The following OR10G3 variants were observed in gnomAD, a reference collection of about 807,000 sequenced individuals.
The protein encoded by OR10G3 is olfactory receptor family 10 subfamily G member 3, also known as olfactory receptor 10G3.
Under a neutral mutation model 13.4 loss-of-function variants are expected in OR10G3, and 8 were observed. The ratio of observed to expected loss-of-function variants is 0.60; its 90% confidence interval spans 0.35 to 1.08. OR10G3 has a LOEUF of 1.08. Ranked by LOEUF, OR10G3 falls within the 50% of genes least tolerant of loss-of-function variation. The pLI, the probability that OR10G3 is intolerant of heterozygous loss-of-function variation, is 0.02. For synonymous variants in OR10G3, 142 were observed against 156.1 expected, an observed-to-expected ratio of 0.91 and a Z score of 0.67; for missense variants, 393 against 386.6, an observed-to-expected ratio of 1.02 and a Z score of -0.14.
In OR10G3 at chr14:21,568,903, G is replaced by A. The variant is rs1455876616; in HGVS notation, c.*900C>T. 2 of 151,200 alleles carry A rather than the reference G, an allele frequency of 1.3e-5. No individual in the cohort carries two copies. The highest frequency in any genetic ancestry group is 4.9e-5 in the African/African-American group (2 of 41,176). 9.4% of individuals were successfully genotyped at this position (151,200 alleles called of 1,614,324 possible). A position where few individuals can be genotyped will look rare whatever the true frequency, so the allele number is the denominator to read the frequency against. ...ATTTTTTTGTATTTTTAGTAGAGAC[G>A]GGGTTTCACCGTGGTCTCGATCTCC... On this transcript the variant is annotated 3_prime_UTR_variant, in exon 2 of 2. Transcript: ENST00000641040.
At chr14:21,575,333 G>A (rs1215655939) in intron 1 of OR10G3, among the ~76,000 whole-genome samples, 1 of 150,770 alleles carries the variant, frequency 6.6e-6, no homozygotes, top group Non-Finnish European at 1.5e-5. Flanking sequence ...TGCCCGCCTC[G>A]GCCTCCCAAA....
In OR10G3 at chr14:21,570,311, A is replaced by G. The variant is rs562650979; in HGVS notation, c.434T>C (p.Leu145Pro). 57 of 1,614,224 alleles carry G rather than the reference A, an allele frequency of 3.5e-5. No individual in the cohort carries two copies. The highest frequency in any genetic ancestry group is 4.7e-5 in the Non-Finnish European group (56 of 1,180,042). Residue 145 changes from leucine (L) to proline (P), a missense_variant, in exon 2 of 2, where the codon CTT (leucine) becomes CCT (proline). Coordinates refer to ENST00000641040, the MANE Select transcript of OR10G3 (RefSeq NM_001005465.2). ...TCCTGCCATCCAGGCTCCAGCCACA[A>G]GCAAGGCGCTCAGCTTAGCAGTCAT... ...VLMTAKLSAL[L>P]VAGAWMAGSI... is the part of the protein sequence containing the mutation.
At chr14:21,572,608 C>CAAAAAAAAAAAAAAAAAAAAA (rs397852312) in intron 1 of OR10G3, among the ~76,000 whole-genome samples, 1 of 110,512 alleles carries the variant, frequency 9.0e-6, no homozygotes, top group Non-Finnish European at 1.8e-5. Context: ...AACAAACAAA[C>CAAAAAAAAAAAAAAAAAAAAA]AAAAAAAAAA....
intron 1 of OR10G3, among the ~76,000 whole-genome samples, chr14:21,572,394 C>T (rs1208733250): frequency 3.5e-5 from 5 of 143,092 alleles, no homozygotes; most frequent in Non-Finnish European, 6.0e-5. Flanking sequence ...GTCAGGAATT[C>T]GAGACCAGTC....
rs1893045946 is a variant in OR10G3 at position 21,570,034 on chromosome 14, C to G, written c.711G>C (p.Arg237=). The part of the protein sequence containing the change: ...LRIHTADGRR[R]AFSTCGAHVT... ...CATGGGCTCCACAAGTTGAAAAAGC[C>G]CGGCGCCGCCCATCAGCTGTGTGGA... Residue 237 remains arginine, a synonymous_variant, in exon 2 of 2, where the codon CGG becomes CGC. Transcript: ENST00000641040. 5 of 1,614,184 alleles carry G rather than the reference C, an allele frequency of 3.1e-6. No homozygotes were observed. The East Asian group carries it at 1.1e-4, about 36-fold the overall frequency.
In OR10G3 at chr14:21,579,822, A is replaced by C. The variant is rs1020397482; in HGVS notation, c.-54T>G. The C allele has an allele frequency of 6.6e-6, 1 of 152,238 alleles. No homozygotes were observed. The highest frequency in any genetic ancestry group is 2.4e-5 in the African/African-American group (1 of 41,460). 9.4% of individuals were successfully genotyped at this position (152,238 alleles called of 1,614,324 possible). On this transcript the variant is annotated 5_prime_UTR_variant, in exon 1 of 2. Coordinates refer to ENST00000641040, the MANE Select transcript of OR10G3 (RefSeq NM_001005465.2). ...AGCATCCATCAAAAACTCTTCTTGC[A>C]GACGGAGAGAAAGGATACAAATCTA...
intron 1 of OR10G3, among the ~76,000 whole-genome samples, chr14:21,571,661 C>A (rs1009323211): frequency 1.3e-5 from 2 of 150,522 alleles, no homozygotes; most frequent in Admixed American, 6.6e-5. Context: ...AGTTCTTAGT[C>A]CAACTCCTTG....
intron 1 of OR10G3, chr14:21,574,807 T>A (rs542833549): frequency 1.3e-5 from 2 of 152,080 alleles, no homozygotes; most frequent in Non-Finnish European, 2.9e-5. Flanking sequence ...AAAAATTTAC[T>A]GGGCGTATTG....
chr14:21,578,409 C>T (rs1876808789), intron 1 of OR10G3, among the ~76,000 whole-genome samples: 1 of 151,820 alleles, frequency 6.6e-6, no homozygotes, highest in African/African-American at 2.4e-5. Context: ...GAAACTCCAT[C>T]TCAAAATAAA....
Position 21,569,210 on chromosome 14 carries a change from G to A in OR10G3, c.*593C>T, listed in dbSNP as rs1893035260. On this transcript the variant is annotated 3_prime_UTR_variant, in exon 2 of 2. Coordinates refer to ENST00000641040, the MANE Select transcript of OR10G3 (RefSeq NM_001005465.2). ...TGAGGGTAGGATGGTTCCAGCACAG[G>A]AGAAACATGTAGGCTGGGAGGCTAG... 1 of 152,620 alleles carries A rather than the reference G, an allele frequency of 6.6e-6. No homozygotes were observed. Among genetic ancestry groups the A allele is most frequent in the Admixed American group, 6.5e-5 (1 of 15,350 alleles). 9.5% of individuals were successfully genotyped at this position (152,620 alleles called of 1,614,324 possible).
At chr14:21,574,161 G>C (rs1440727949) in intron 1 of OR10G3, among the ~76,000 whole-genome samples, 2 of 151,976 alleles carry the variant, frequency 1.3e-5, no homozygotes, top group Non-Finnish European at 2.9e-5. Context: ...AAATTAGTCG[G>C]GCGTGATGGT....
Position 21,577,157 on chromosome 14 carries a change from C to T in OR10G3, c.-18+2629G>A, listed in dbSNP as rs371153030. The stretch of plus-strand genomic sequence containing the variant: ...TAATATCCCACATGTGGTTCTGAGA[C>T]ACTTTATTTAAATGCTTTCAAAAAT... On this transcript the variant is annotated intron_variant, in intron 1 of 1. Coordinates refer to ENST00000641040, the MANE Select transcript of OR10G3 (RefSeq NM_001005465.2). 2.8e-4 allele frequency among the ~76,000 whole-genome samples: 42 copies of T among 151,662 alleles called. No individual in the cohort carries two copies. The South Asian group carries it at 8.3e-3, about 30-fold the overall frequency.
At chr14:21,577,731 G>C (rs962337996) in intron 1 of OR10G3, among the ~76,000 whole-genome samples, 1 of 152,212 alleles carries the variant, frequency 6.6e-6, no homozygotes, top group Non-Finnish European at 1.5e-5. Context: ...GAGGGAGGCC[G>C]GGCGCGGTGG....
rs1893057762 is a variant in OR10G3 at position 21,570,604 on chromosome 14, G to A, written c.141C>T (p.Ile47=). ...GGAGCCTTGGGTCTGCCCAGACAGT[G>A]ATTAAAATAAGCAGGTTTCCCAGCT... ...LTQLGNLLIL[I]TVWADPRLHA... The change falls in exon 2 of 2, where the codon ATC becomes ATT. Residue 47 remains isoleucine (I), a synonymous_variant. Transcript: ENST00000641040. 6.2e-7 allele frequency: 1 copy of A among 1,614,092 alleles called. No homozygotes were observed. The highest frequency in any genetic ancestry group is 8.5e-7 in the Non-Finnish European group (1 of 1,180,014).
chr14:21,570,554 A>G lies in OR10G3; in HGVS notation c.191T>C (p.Leu64Pro), dbSNP rs368759910. ...CATATCAATGACTGAGAGAACACCA[A>G]GAAAGATGTACATGGGGCGGGCATG... ...RLHARPMYIFLGVLSVIDMSI... is the reference protein window; with the variant it reads ...RLHARPMYIFPGVLSVIDMSI... Residue 64 changes from leucine (L) to proline (P), a missense_variant, in exon 2 of 2, where the codon CTT becomes CCT. Physicochemically the swap from Leu to Pro is moderately conservative, Grantham distance 98. Transcript: ENST00000641040. 1.9e-6 allele frequency: 3 copies of G among 1,614,072 alleles called. No homozygotes were observed. Among genetic ancestry groups the G allele is most frequent in the Middle Eastern group, 1.6e-4 (1 of 6,084 alleles).
At chr14:21,575,630 C>T (rs553746612) in intron 1 of OR10G3, among the ~76,000 whole-genome samples, 17 of 152,284 alleles carry the variant, frequency 1.1e-4, no homozygotes, top group African/African-American at 2.9e-4. Context: ...CTGCTCGCCT[C>T]GGCCTCCCAA....
chr14:21,570,585 T>A lies in OR10G3; in HGVS notation c.160A>T (p.Arg54Trp). ...ATGTACATGGGGCGGGCATGGAGCC[T>A]TGGGTCTGCCCAGACAGTGATTAAA... is the stretch of plus-strand genomic sequence containing the variant. ...LILITVWADP[R>W]LHARPMYIFL... is the part of the protein sequence containing the mutation. Residue 54 changes from arginine (R) to tryptophan (W), a missense_variant, in exon 2 of 2, where the codon AGG becomes TGG. By Grantham distance (101) the Arg-to-Trp change is moderately radical. Coordinates refer to ENST00000641040, the MANE Select transcript of OR10G3 (RefSeq NM_001005465.2). The A allele has an allele frequency of 6.2e-7, 1 of 1,614,062 alleles. No individual in the cohort carries two copies. Among genetic ancestry groups the A allele is most frequent in the Non-Finnish European group, 8.5e-7 (1 of 1,179,994 alleles).
Position 21,570,280 on chromosome 14 carries a change from G to A in OR10G3, c.465C>T (p.Ile155=), listed in dbSNP as rs1594489153. 6.2e-7 allele frequency: 1 copy of A among 1,614,200 alleles called. No individual in the cohort carries two copies. The highest frequency in any genetic ancestry group is 2.2e-5 in the East Asian group (1 of 44,886). Reference sequence around the variant, plus strand: ...TTAGGATGGCCTGGAGAGCCCCATGGATGGATCCTGCCATCCAGGCTCCAG... The same window carrying A: ...TTAGGATGGCCTGGAGAGCCCCATGAATGGATCCTGCCATCCAGGCTCCAG... ...LVAGAWMAGS[I]HGALQAILTF... The change falls in exon 2 of 2, where the codon ATC becomes ATT. Residue 155 remains isoleucine, a synonymous_variant. Transcript: ENST00000641040.
chr14:21,578,327 C>T (rs1008000462), intron 1 of OR10G3, among the ~76,000 whole-genome samples: 1 of 152,114 alleles, frequency 6.6e-6, no homozygotes, highest in Non-Finnish European at 1.5e-5. Context: ...AGGAGAGTAG[C>T]TTGAACCCGG....
Sources: gnomAD v4.1 joint callset for allele counts (sites outside exome capture counted in the v4.1 genomes callset) on GRCh38, gnomAD v4.1.1 for gene constraint, MANE v1.5 for transcripts, NCBI Gene and HGNC (gene_info 2026-07-23, HGNC 2026-07-21) for gene names.